The following INSL6 variants were observed in gnomAD, a reference collection of about 807,000 sequenced individuals.
The protein encoded by INSL6 is insulin like 6.
A neutral mutation model predicts 9.4 loss-of-function variants in INSL6; 16 were observed. The observed-to-expected ratio is 1.70, with a 90% confidence interval of 1.15 to 2.59. The LOEUF (loss-of-function observed/expected upper bound fraction) is 2.59, where lower values mean the gene tolerates loss of function less well. Among genes scored for constraint, INSL6 ranks in the 30% most tolerant of loss-of-function variants. The pLI, the probability that INSL6 is intolerant of heterozygous loss-of-function variation, is 0.00. For missense variants in INSL6, 391 were observed against 257.3 expected (o/e 1.52, Z -3.56); for synonymous variants, 154 against 96.9 (o/e 1.59, Z -3.46).
chr9:5,090,415 T>A, the INSL6 span: 3 of 1,471,366 alleles, frequency 2.0e-6, no homozygotes, highest in East Asian at 4.6e-5. Context: ...TATGGCAGAG[T>A]AAAACATTAT....
At chr9:5,153,136 C>G (rs558770884) in intron 2 of INSL6, among the ~76,000 whole-genome samples, 18 of 148,412 alleles carry the variant, frequency 1.2e-4, no homozygotes, top group African/African-American at 4.5e-4. Context: ...ACTGAGCTAG[C>G]TGCAGTTTTT....
chr9:5,108,414 G>C, the INSL6 span: 2 of 151,910 alleles, frequency 1.3e-5, no homozygotes, highest in African/African-American at 4.8e-5. Flanking sequence ...TGTTACACTT[G>C]TCTACACTTT....
At chr9:5,081,645 G>A in the INSL6 span, 1 of 923,912 alleles carries the variant, frequency 1.1e-6, no homozygotes, top group East Asian at 2.4e-5. Flanking sequence ...CGATTATTTT[G>A]GTCAACTTGA....
chr9:5,036,859 A>C, the INSL6 span, among the ~76,000 whole-genome samples: 1 of 152,232 alleles, frequency 6.6e-6, no homozygotes. Context: ...AGAATTGACA[A>C]ATGGGATCTC....
At chr9:5,009,925 A>G in the INSL6 span, among the ~76,000 whole-genome samples, 1 of 152,086 alleles carries the variant, frequency 6.6e-6, no homozygotes, top group Non-Finnish European at 1.5e-5. Flanking sequence ...TGCACACTAC[A>G]TGCTGGCTAA....
chr9:5,072,417 A>T, the INSL6 span: 2 of 1,125,894 alleles, frequency 1.8e-6, no homozygotes, highest in Non-Finnish European at 2.4e-6. Flanking sequence ...ATTCTTCCTC[A>T]TTGAATGTAT....
chr9:5,054,839 G>T, the INSL6 span: 1 of 1,611,210 alleles, frequency 6.2e-7, no homozygotes, highest in African/African-American at 1.3e-5. The surrounding 1 kb of genome is among the most constrained non-coding windows in gnomAD (Gnocchi z 4.9). Flanking sequence ...GTGGAATTCA[G>T]TGGTCAAGAG....
At chr9:5,179,743 A>G (rs1396297111) in intron 1 of INSL6, among the ~76,000 whole-genome samples, 1 of 152,214 alleles carries the variant, frequency 6.6e-6, no homozygotes, top group Non-Finnish European at 1.5e-5. Flanking sequence ...CTAATGCAGG[A>G]ACAGAAACCA....
the INSL6 span, among the ~76,000 whole-genome samples, chr9:5,012,716 T>A: frequency 6.6e-6 from 1 of 152,238 alleles, no homozygotes; most frequent in Non-Finnish European, 1.5e-5. Flanking sequence ...ACAAGGCAGA[T>A]GAGGTTCTTT....
the INSL6 span, chr9:5,111,519 A>G: frequency 5.5e-6 from 2 of 366,440 alleles, no homozygotes; most frequent in Non-Finnish European, 1.1e-5. Flanking sequence ...CCATCCGCCA[A>G]GACGCCCAGC....
At chr9:5,122,059 G>A (rs1823659649), downstream of INSL6, among the ~76,000 whole-genome samples, 1 of 152,164 alleles carries the variant, frequency 6.6e-6, no homozygotes, top group Admixed American at 6.5e-5. Context: ...TGGACTGCCA[G>A]TACTATAGGA....
the INSL6 span, among the ~76,000 whole-genome samples, chr9:5,052,750 G>T: frequency 1.3e-5 from 2 of 151,990 alleles, no homozygotes; most frequent in East Asian, 3.8e-4. Context: ...AATGTGGTGT[G>T]GCATTTTTTT....
chr9:5,000,060 CT>C, the INSL6 span, among the ~76,000 whole-genome samples: 1 of 151,950 alleles, frequency 6.6e-6, no homozygotes, highest in South Asian at 2.1e-4. Flanking sequence ...GTTTTCATTT[CT>C]TTTGTGAAAT....
At chr9:5,087,856 A>G in the INSL6 span, among the ~76,000 whole-genome samples, 19 of 152,356 alleles carry the variant, frequency 1.2e-4, 1 homozygote, top group African/African-American at 4.3e-4. Flanking sequence ...TATTGCAATG[A>G]CATGACTGTA....
chr9:5,043,734 T>C, the INSL6 span, among the ~76,000 whole-genome samples: 1 of 152,360 alleles, frequency 6.6e-6, no homozygotes, highest in East Asian at 1.9e-4. Context: ...GAAAAAGTGG[T>C]ATATTCATAC....
the INSL6 span, among the ~76,000 whole-genome samples, chr9:4,995,716 A>G: frequency 6.6e-6 from 1 of 152,248 alleles, no homozygotes; most frequent in Non-Finnish European, 1.5e-5. Context: ...CTTGAAAATA[A>G]AATGAATAAA....
chr9:5,031,642 G>A, the INSL6 span, among the ~76,000 whole-genome samples: 1 of 152,334 alleles, frequency 6.6e-6, no homozygotes, highest in Admixed American at 6.5e-5. Flanking sequence ...AATTGGAACT[G>A]AATTCAAGTC....
the INSL6 span, among the ~76,000 whole-genome samples, chr9:5,016,711 A>T: frequency 6.6e-6 from 1 of 152,122 alleles, no homozygotes; most frequent in African/African-American, 2.4e-5. Flanking sequence ...GGCACCCCAG[A>T]GGTCTCCCTG....
chr9:5,116,152 T>C, the INSL6 span, among the ~76,000 whole-genome samples: 9 of 152,304 alleles, frequency 5.9e-5, no homozygotes, highest in African/African-American at 1.4e-4. Context: ...ATAACAACCC[T>C]TGGAGAACAT....
Sources: allele counts gnomAD v4.1 joint callset (sites outside exome capture counted in the v4.1 genomes callset), GRCh38; gene constraint gnomAD v4.1.1; non-coding constraint Gnocchi (gnomAD v3.1); transcripts MANE v1.5; gene names NCBI Gene and HGNC (gene_info 2026-07-23, HGNC 2026-07-21).